The following DPYD variants were observed in gnomAD, a reference collection of about 807,000 sequenced individuals.
DPYD encodes dihydropyrimidine dehydrogenase [NADP(+)].
Under a neutral mutation model 116.2 loss-of-function variants are expected in DPYD, and 109 were observed. The ratio of observed to expected loss-of-function variants is 0.94; its 90% CI spans 0.80 to 1.10. DPYD has a LOEUF of 1.10. Among genes scored for constraint, DPYD ranks in the 50% least tolerant of loss-of-function variants. The pLI is 0.00. For missense variants in DPYD, 1,302 were observed against 1,254.5 expected (o/e 1.04, Z -0.57); for synonymous variants, 440 against 432.0 (o/e 1.02, Z -0.23).
intron 1 of DPYD, among the ~76,000 whole-genome samples, chr1:97,893,297 T>C (rs1422757893): frequency 6.6e-6 from 1 of 151,220 alleles, no homozygotes; most frequent in East Asian, 2.0e-4. Flanking sequence ...GTCATGGGTC[T>C]CTGAACTTAT....
chr1:97,283,761 T>A (rs1298304368), intron 18 of DPYD, among the ~76,000 whole-genome samples: 1 of 152,164 alleles, frequency 6.6e-6, no homozygotes, highest in African/African-American at 2.4e-5. Context: ...TATTTAAGAA[T>A]GAGTGTTTTA....
chr1:97,818,709 A>G (rs969537110), intron 3 of DPYD, among the ~76,000 whole-genome samples: 1 of 152,024 alleles, frequency 6.6e-6, no homozygotes, highest in Non-Finnish European at 1.5e-5. Flanking sequence ...GAATGAATGG[A>G]AGTAATATTC....
chr1:97,706,091 T>C (rs1157865091), intron 5 of DPYD, among the ~76,000 whole-genome samples: 2 of 152,042 alleles, frequency 1.3e-5, no homozygotes, highest in African/African-American at 4.8e-5. Context: ...AAAAATTATA[T>C]GAATTTGTCA....
chr1:97,595,026 T>G (rs745656900), intron 9 of DPYD, 33 bp downstream of exon 9: 2 of 1,450,078 alleles, frequency 1.4e-6, no homozygotes, highest in South Asian at 2.3e-5. Context: ...AATAGCATAC[T>G]CACTATTAAG....
intron 13 of DPYD, among the ~76,000 whole-genome samples, chr1:97,488,993 A>T (rs1678816464): frequency 6.6e-6 from 1 of 152,182 alleles, no homozygotes; most frequent in Non-Finnish European, 1.5e-5. Flanking sequence ...AGTTGCTAAC[A>T]CCTCTGGCTT....
chr1:97,484,302 TCAAAAACAAAAACAAAAA>T (rs765836822), intron 13 of DPYD, among the ~76,000 whole-genome samples: 1 of 152,162 alleles, frequency 6.6e-6, no homozygotes, highest in African/African-American at 2.4e-5. Flanking sequence ...AGACTCCATC[TCAAAAACAAAAACAAAAA>T]CAAAAACAAA....
intron 2 of DPYD, among the ~76,000 whole-genome samples, chr1:97,869,370 G>A (rs894417978): frequency 6.6e-6 from 1 of 151,742 alleles, no homozygotes; most frequent in South Asian, 2.1e-4. Flanking sequence ...TTCTAGGAAA[G>A]AATCCTATAA....
At chr1:97,474,043 T>C (rs1229477082) in intron 13 of DPYD, among the ~76,000 whole-genome samples, 1 of 131,924 alleles carries the variant, frequency 7.6e-6, no homozygotes, top group African/African-American at 2.8e-5. Context: ...GGAAAGAAAA[T>C]GAAAAAGAAA....
intron 5 of DPYD, among the ~76,000 whole-genome samples, chr1:97,715,225 C>T (rs1317928595): frequency 1.3e-5 from 2 of 151,998 alleles, no homozygotes; most frequent in African/African-American, 4.8e-5. Context: ...TGAGATATTA[C>T]AAAAATGCAC....
At chr1:97,354,879 C>T (rs1670344636) in intron 16 of DPYD, among the ~76,000 whole-genome samples, 1 of 152,020 alleles carries the variant, frequency 6.6e-6, no homozygotes. Flanking sequence ...CACATTAATC[C>T]CTGGAGAATC....
intron 18 of DPYD, among the ~76,000 whole-genome samples, chr1:97,301,363 G>A (rs1666851051): frequency 6.6e-6 from 1 of 151,970 alleles, no homozygotes; most frequent in Non-Finnish European, 1.5e-5. Flanking sequence ...TTAAGAACAA[G>A]AATTTCCTTT....
At chr1:97,468,360 T>C (rs1258934789) in intron 13 of DPYD, among the ~76,000 whole-genome samples, 1 of 152,186 alleles carries the variant, frequency 6.6e-6, no homozygotes, top group African/African-American at 2.4e-5. Flanking sequence ...GGTGGGCATT[T>C]TAGAGGTAAT....
intron 7 of DPYD, among the ~76,000 whole-genome samples, chr1:97,690,736 A>G (rs555835031): frequency 6.6e-6 from 1 of 152,096 alleles, no homozygotes; most frequent in Non-Finnish European, 1.5e-5. Context: ...TGAACACTGT[A>G]ATTTTGAACA....
rs186487151 is a variant in DPYD, at chr1:97,706,027, C to T, written c.484-6480G>A. Among the ~76,000 whole-genome samples, 627 of 151,562 alleles carry T rather than the reference C, an allele frequency of 4.1e-3. 1 individual carries two copies. The highest frequency in any genetic ancestry group is 6.5e-3 in the Non-Finnish European group (438 of 67,888). On this transcript the variant is annotated intron_variant, in intron 5 of 22. Transcript: ENST00000370192. Reference sequence around the variant, plus strand: ...TTAACGATTACATTTTCACAGTAATCGCTAAAAAATTCACTATATTTCTCT... The same window carrying T: ...TTAACGATTACATTTTCACAGTAATTGCTAAAAAATTCACTATATTTCTCT...
chr1:97,538,088 A>G (rs1166732551), intron 12 of DPYD, among the ~76,000 whole-genome samples: 2 of 150,890 alleles, frequency 1.3e-5, no homozygotes, highest in South Asian at 4.2e-4. Context: ...AAAAAAGTCA[A>G]TTTAGTGATG....
At chr1:97,230,136 T>G (rs938275535) in intron 19 of DPYD, among the ~76,000 whole-genome samples, 1 of 152,202 alleles carries the variant, frequency 6.6e-6, no homozygotes, top group Non-Finnish European at 1.5e-5. Flanking sequence ...CAGTCTGAGC[T>G]GTACACAAAG....
intron 20 of DPYD, among the ~76,000 whole-genome samples, chr1:97,142,058 C>A (rs1381905268): frequency 6.6e-6 from 1 of 152,118 alleles, no homozygotes; most frequent in Non-Finnish European, 1.5e-5. Context: ...GTAGGATGTA[C>A]TAATTAGATT....
At chr1:97,194,807 G>T (rs1658633914) in intron 19 of DPYD, among the ~76,000 whole-genome samples, 1 of 151,994 alleles carries the variant, frequency 6.6e-6, no homozygotes, top group Non-Finnish European at 1.5e-5. Context: ...CCGGCCTCAG[G>T]TATATCTTTA....
intron 16 of DPYD, among the ~76,000 whole-genome samples, chr1:97,347,490 C>A (rs1669918040): frequency 6.6e-6 from 1 of 151,982 alleles, no homozygotes; most frequent in African/African-American, 2.4e-5. Context: ...GTTGTCATGC[C>A]ATATTCATCT....
Sources: gnomAD v4.1 joint callset for allele counts (sites outside exome capture counted in the v4.1 genomes callset) on GRCh38, gnomAD v4.1.1 for gene constraint, MANE v1.5 for transcripts, NCBI Gene and HGNC (gene_info 2026-07-23, HGNC 2026-07-21) for gene names.